Variants in WWOX observed in about 807,000 individuals in gnomAD.
WWOX encodes the protein WW domain containing oxidoreductase, also known as WW domain-containing oxidoreductase.
In WWOX, 69 loss-of-function variants were observed where a neutral mutation model predicts 46.2. That is an observed-to-expected ratio of 1.49 (90% CI 1.23 to 1.82). The LOEUF (loss-of-function observed/expected upper bound fraction) is 1.82, where lower values mean the gene tolerates loss of function less well. Ranked by LOEUF, WWOX falls within the 40% of genes most tolerant of loss-of-function variation. The probability of loss-of-function intolerance (pLI) is 0.00; values close to 1 mark genes in which losing one functional copy is unlikely to be tolerated. For missense variants in WWOX, 919 were observed against 542.6 expected (o/e 1.69, Z -6.89); for synonymous variants, 359 against 202.6 (o/e 1.77, Z -6.56).
intron 8 of WWOX, among the ~76,000 whole-genome samples, chr16:78,637,844 A>T (rs1340531475): frequency 5.3e-5 from 8 of 152,128 alleles, no homozygotes. Context: ...GTGTGTCTCC[A>T]CTTTCCAGCC....
At chr16:78,202,134 T>C (rs2036250583) in intron 5 of WWOX, among the ~76,000 whole-genome samples, 1 of 152,226 alleles carries the variant, frequency 6.6e-6, no homozygotes, top group African/African-American at 2.4e-5. Context: ...AAGGGAACAA[T>C]TTTGACATGG....
chr16:79,027,422 C>T (rs1370219135), intron 8 of WWOX, among the ~76,000 whole-genome samples: 1 of 151,628 alleles, frequency 6.6e-6, no homozygotes, highest in African/African-American at 2.4e-5. Context: ...TGTAAGCTAT[C>T]CTGGGCCTCC....
At chr16:79,069,031 C>T (rs1016625564) in intron 8 of WWOX, among the ~76,000 whole-genome samples, 7 of 152,014 alleles carry the variant, frequency 4.6e-5, no homozygotes, top group Non-Finnish European at 7.4e-5. Flanking sequence ...TCTAAGTTTC[C>T]GACTTGACTT....
chr16:78,683,237 G>A (rs539949027), intron 8 of WWOX, among the ~76,000 whole-genome samples: 75 of 152,058 alleles, frequency 4.9e-4, no homozygotes, highest in Non-Finnish European at 4.0e-4. Context: ...GGAGGTGGGC[G>A]CGGTGGCTCA....
At chr16:78,461,488 C>T (rs866243496) in intron 8 of WWOX, among the ~76,000 whole-genome samples, 1 of 152,234 alleles carries the variant, frequency 6.6e-6, no homozygotes, top group South Asian at 2.1e-4. Flanking sequence ...GGTGGGACTG[C>T]TGATCTTGTT....
intron 8 of WWOX, among the ~76,000 whole-genome samples, chr16:78,823,418 C>T (rs2051559795): frequency 6.6e-6 from 1 of 152,140 alleles, no homozygotes; most frequent in Admixed American, 6.5e-5. Flanking sequence ...CTTCCTAAAG[C>T]AGAAAAATGT....
intron 5 of WWOX, among the ~76,000 whole-genome samples, chr16:78,209,993 G>T (rs1219577116): frequency 6.6e-6 from 1 of 151,858 alleles, no homozygotes; most frequent in Non-Finnish European, 1.5e-5. Context: ...ACAGCAGAAT[G>T]TTATTCAGAG....
chr16:78,885,209 T>TA (rs1306803126), intron 8 of WWOX, among the ~76,000 whole-genome samples: 132 of 149,518 alleles, frequency 8.8e-4, no homozygotes, highest in African/African-American at 3.2e-3. Flanking sequence ...TTTTTTTTTT[T>TA]AATAGGTCTT....
intron 8 of WWOX, among the ~76,000 whole-genome samples, chr16:78,581,183 G>A (rs1162226075): frequency 6.6e-6 from 1 of 151,978 alleles, no homozygotes; most frequent in Non-Finnish European, 1.5e-5. Flanking sequence ...TTACAATTCT[G>A]ATCTTATAAA....
chr16:78,646,343 T>G (rs1267580115), intron 8 of WWOX, among the ~76,000 whole-genome samples: 1 of 152,224 alleles, frequency 6.6e-6, no homozygotes, highest in African/African-American at 2.4e-5. Context: ...CCTGCCATCC[T>G]GTCCTAACTA....
At chr16:78,922,672 A>G (rs1441378993) in intron 8 of WWOX, among the ~76,000 whole-genome samples, 2 of 151,850 alleles carry the variant, frequency 1.3e-5, no homozygotes, top group South Asian at 2.1e-4. Context: ...AGCCACGACC[A>G]CCAGCCTCAG....
chr16:78,111,473 C>T (rs921552624), intron 3 of WWOX, among the ~76,000 whole-genome samples: 8 of 152,194 alleles, frequency 5.3e-5, no homozygotes, highest in African/African-American at 1.9e-4. Flanking sequence ...GGTGAGCCTT[C>T]TGTCACACCC....
chr16:78,946,704 G>A (rs550830910), intron 8 of WWOX, among the ~76,000 whole-genome samples: 20 of 152,226 alleles, frequency 1.3e-4, no homozygotes, highest in East Asian at 5.8e-4. Flanking sequence ...TGTGTGGTGC[G>A]TCTGTTTTTC....
rs534244520 is a variant in WWOX, at chr16:78,724,369, C to T, written c.1056+291617C>T. Among the ~76,000 whole-genome samples, 9 of 152,268 alleles carry T rather than the reference C, an allele frequency of 5.9e-5. No homozygotes were observed. The East Asian group carries it at 1.7e-3, about 29-fold the overall frequency. ...TTGATGTGACCTTTAGCAACAACTC[C>T]TAAAATATTTTTTTTCCTTCATTCC... On this transcript the variant is annotated intron_variant, in intron 8 of 8. Transcript: ENST00000566780.
chr16:78,387,000 T>C (rs752170996), intron 6 of WWOX, 52 bp downstream of exon 6: 8 of 1,546,612 alleles, frequency 5.2e-6, no homozygotes, highest in South Asian at 4.4e-5. Flanking sequence ...TATTGTAATA[T>C]CTTTATCAGA....
chr16:78,809,954 T>A (rs2051143988), intron 8 of WWOX, among the ~76,000 whole-genome samples: 1 of 152,192 alleles, frequency 6.6e-6, no homozygotes, highest in African/African-American at 2.4e-5. Flanking sequence ...TAGGGGACCC[T>A]TGGTATCCTG....
chr16:78,849,353 C>T (rs561140120), intron 8 of WWOX, among the ~76,000 whole-genome samples: 5 of 151,638 alleles, frequency 3.3e-5, no homozygotes, highest in Admixed American at 6.6e-5. Context: ...GGGGGGATCA[C>T]GAGGTCGGGA....
At chr16:78,840,163 G>C (rs1178644437) in intron 8 of WWOX, among the ~76,000 whole-genome samples, 2 of 152,178 alleles carry the variant, frequency 1.3e-5, no homozygotes, top group Non-Finnish European at 2.9e-5. Flanking sequence ...TTGCCTCCCA[G>C]TTGACCCTCA....
intron 8 of WWOX, among the ~76,000 whole-genome samples, chr16:78,989,369 A>T (rs1196065268): frequency 6.6e-6 from 1 of 152,082 alleles, no homozygotes; most frequent in African/African-American, 2.4e-5. Flanking sequence ...TTGGATCCCC[A>T]AGATAGAATG....
Sources: allele counts gnomAD v4.1 joint callset (sites outside exome capture counted in the v4.1 genomes callset), GRCh38; gene constraint gnomAD v4.1.1; transcripts MANE v1.5; gene names NCBI Gene and HGNC (gene_info 2026-07-23, HGNC 2026-07-21).